RBFOX1: variants seen among roughly 807,000 people sequenced by gnomAD.
RBFOX1 encodes the protein RNA binding protein fox-1 homolog 1.
In RBFOX1, 8 loss-of-function variants were observed where a neutral mutation model predicts 57.7. That is an observed-to-expected ratio of 0.14 (90% CI 0.08 to 0.25). The LOEUF is 0.25. RBFOX1 is among the 10% of genes least tolerant of loss of function. The pLI is 1.00. For missense variants in RBFOX1, 611 were observed against 548.5 expected (o/e 1.11, Z -1.14); for synonymous variants, 326 against 222.4 (o/e 1.47, Z -4.15).
rs148759783 is a variant in RBFOX1, at chr16:6,294,619, C to T, written c.-126-22376C>T. Among the ~76,000 whole-genome samples, 946 of 152,252 alleles carry T rather than the reference C, an allele frequency of 6.2e-3. 10 individuals carry two copies. The highest frequency in any genetic ancestry group is 0.022 in the African/African-American group (911 of 41,536). On this transcript the variant is annotated intron_variant, in intron 1 of 15. Transcript: ENST00000550418. ...GAGTGCCTACTTGATGCTGAGCCCT[C>T]TGTGAGATCCTATAGAGTCTACTAA... is the stretch of plus-strand genomic sequence containing the variant.
chr16:5,349,063 C>T (rs147353930), intron 1 of RBFOX1, among the ~76,000 whole-genome samples: 1 of 152,208 alleles, frequency 6.6e-6, no homozygotes, highest in Non-Finnish European at 1.5e-5. Flanking sequence ...AATTTCTCCA[C>T]ATGCTGGTCA....
At chr16:6,935,202 G>C (rs1056372539) in intron 3 of RBFOX1, among the ~76,000 whole-genome samples, 3 of 152,270 alleles carry the variant, frequency 2.0e-5, no homozygotes, top group African/African-American at 7.2e-5. Flanking sequence ...ATAATACATA[G>C]CTCAGAGTGT....
intron 3 of RBFOX1, among the ~76,000 whole-genome samples, chr16:5,818,695 C>T (rs1373904309): frequency 6.6e-6 from 1 of 152,164 alleles, no homozygotes; most frequent in African/African-American, 2.4e-5. Flanking sequence ...AGAGTCTTGA[C>T]CGTAGAGGGG....
At position 5,715,477 on chromosome 16, in the gene RBFOX1, A is replaced by G. The variant is rs546453669; in HGVS notation, c.318+116516A>G. On this transcript the variant is annotated intron_variant, in intron 3 of 19. Coordinates refer to the RBFOX1 transcript ENST00000641259. The stretch of plus-strand genomic sequence containing the variant: ...AAATATCTTCTTCAAGGAGATACAC[A>G]TACATCATGAAAACTCTTAAGATGT... Among the ~76,000 whole-genome samples, 242 of 152,360 alleles carry G rather than the reference A, an allele frequency of 1.6e-3. 2 individuals carry two copies. Among genetic ancestry groups the G allele is most frequent in the African/African-American group, 5.5e-3 (230 of 41,582 alleles).
chr16:7,057,766 G>C (rs2052834047), intron 4 of RBFOX1, among the ~76,000 whole-genome samples: 1 of 152,156 alleles, frequency 6.6e-6, no homozygotes. Flanking sequence ...CCAGCACTTT[G>C]GGAGGCCAAG....
chr16:6,184,358 A>G (rs2097091127), intron 1 of RBFOX1, among the ~76,000 whole-genome samples: 1 of 152,156 alleles, frequency 6.6e-6, no homozygotes. Flanking sequence ...GTGGGAAAGG[A>G]TGGAACCAGG....
intron 4 of RBFOX1, among the ~76,000 whole-genome samples, chr16:7,227,130 A>C (rs964650397): frequency 3.3e-5 from 5 of 152,152 alleles, no homozygotes; most frequent in Admixed American, 6.5e-5. Context: ...TTTGAGTTTG[A>C]AAATCCTGGA....
chr16:7,686,590 A>T (rs1299835588), intron 14 of RBFOX1, among the ~76,000 whole-genome samples: 1 of 152,132 alleles, frequency 6.6e-6, no homozygotes, highest in African/African-American at 2.4e-5. Flanking sequence ...AGAAAAAGCC[A>T]ATTTTTCTAC....
intron 1 of RBFOX1, among the ~76,000 whole-genome samples, chr16:6,127,245 C>G (rs188637319): frequency 1.3e-5 from 2 of 151,606 alleles, no homozygotes; most frequent in Admixed American, 6.6e-5. Flanking sequence ...CAGAACAAAC[C>G]TATTCCATAT....
intron 5 of RBFOX1, among the ~76,000 whole-genome samples, chr16:7,544,810 G>GT (rs1402639850): frequency 6.6e-6 from 1 of 152,012 alleles, no homozygotes; most frequent in Non-Finnish European, 1.5e-5. Flanking sequence ...TTTTGTTTTT[G>GT]TTTTTTCCTT....
chr16:7,322,692 T>C (rs1304969471), intron 4 of RBFOX1, among the ~76,000 whole-genome samples: 3 of 152,070 alleles, frequency 2.0e-5, no homozygotes, highest in African/African-American at 7.2e-5. Flanking sequence ...AAAAATAAGA[T>C]TGAGGAACCG....
chr16:5,397,915 A>G (rs2066605683), intron 1 of RBFOX1, among the ~76,000 whole-genome samples: 3 of 152,228 alleles, frequency 2.0e-5, no homozygotes, highest in African/African-American at 7.2e-5. Flanking sequence ...TTATGGTAAC[A>G]CTATGTGCCA....
intron 2 of RBFOX1, among the ~76,000 whole-genome samples, chr16:5,485,069 G>A (rs2069679114): frequency 6.6e-6 from 1 of 151,572 alleles, no homozygotes; most frequent in Non-Finnish European, 1.5e-5. Context: ...AGTTAAGGCT[G>A]GGCACAGTGG....
chr16:7,400,071 G>C (rs970901562), intron 4 of RBFOX1, among the ~76,000 whole-genome samples: 2 of 152,134 alleles, frequency 1.3e-5, no homozygotes, highest in African/African-American at 4.8e-5. Context: ...ACCCTCAGGA[G>C]GGGAAGACCA....
intron 4 of RBFOX1, among the ~76,000 whole-genome samples, chr16:7,214,067 C>A (rs1240934555): frequency 7.1e-6 from 1 of 140,182 alleles, no homozygotes; most frequent in African/African-American, 2.8e-5. Flanking sequence ...AGCTTCTGAG[C>A]TTGCTATGGA....
intron 1 of RBFOX1, among the ~76,000 whole-genome samples, chr16:6,292,438 T>G (rs372899800): frequency 1.3e-4 from 19 of 151,860 alleles, no homozygotes; most frequent in African/African-American, 4.6e-4. Flanking sequence ...GTTCTAAGAG[T>G]TTACCAAGAA....
intron 4 of RBFOX1, among the ~76,000 whole-genome samples, chr16:7,135,246 T>C (rs1480509431): frequency 2.6e-5 from 4 of 152,190 alleles, no homozygotes; most frequent in East Asian, 1.9e-4. Context: ...TTTTTTGTTG[T>C]TGCTGTTGGA....
At chr16:5,372,293 A>C (rs1213425399) in intron 1 of RBFOX1, among the ~76,000 whole-genome samples, 1 of 152,222 alleles carries the variant, frequency 6.6e-6, no homozygotes, top group Admixed American at 6.5e-5. Flanking sequence ...GAGTCCGTCC[A>C]CATGGGTGAA....
intron 3 of RBFOX1, among the ~76,000 whole-genome samples, chr16:5,742,094 T>G (rs2052788254): frequency 6.6e-6 from 1 of 152,358 alleles, no homozygotes; most frequent in Non-Finnish European, 1.5e-5. Context: ...TTTCTGATTC[T>G]GGAGCATAAG....
Sources: allele counts gnomAD v4.1 joint callset (sites outside exome capture counted in the v4.1 genomes callset), GRCh38; gene constraint gnomAD v4.1.1; transcripts MANE v1.5; gene names NCBI Gene and HGNC (gene_info 2026-07-23, HGNC 2026-07-21).